Variants in CDH4 observed in about 807,000 individuals in gnomAD.
CDH4 encodes cadherin 4.
In CDH4, 33 loss-of-function variants were observed where a neutral mutation model predicts 86.0. The ratio of observed to expected loss-of-function variants is 0.38; its 90% CI spans 0.29 to 0.51. The LOEUF (loss-of-function observed/expected upper bound fraction) is 0.51. CDH4 is among the 20% of genes least tolerant of loss of function. The pLI is 0.86. For synonymous variants in CDH4, 555 were observed against 549.4 expected (o/e 1.01, Z -0.14); for missense variants, 1,114 against 1,307.4 (o/e 0.85, Z 2.28).
At chr20:61,906,906 G>C (rs2054795616) in intron 8 of CDH4, among the ~76,000 whole-genome samples, 1 of 152,082 alleles carries the variant, frequency 6.6e-6, no homozygotes, top group Non-Finnish European at 1.5e-5. Context: ...CTGGCACCCA[G>C]GACATTTTGC....
At chr20:61,796,456 AC>A (rs1979542586) in intron 4 of CDH4, among the ~76,000 whole-genome samples, 3 of 152,006 alleles carry the variant, frequency 2.0e-5, no homozygotes, top group African/African-American at 7.2e-5. Flanking sequence ...CTACAGCCTC[AC>A]TGGGCCCACT....
chr20:61,628,863 G>T (rs894774854), intron 2 of CDH4, among the ~76,000 whole-genome samples: 3 of 152,248 alleles, frequency 2.0e-5, no homozygotes, highest in Non-Finnish European at 2.9e-5. Flanking sequence ...ATGGATGATG[G>T]GCCCCTCTCC....
intron 2 of CDH4, among the ~76,000 whole-genome samples, chr20:61,427,717 G>A (rs1355579891): frequency 6.6e-6 from 1 of 151,866 alleles, no homozygotes; most frequent in Non-Finnish European, 1.5e-5. Context: ...TTCGTGACAG[G>A]CAAATGTCTA....
intron 2 of CDH4, among the ~76,000 whole-genome samples, chr20:61,360,119 C>T (rs547842299): frequency 8.5e-5 from 13 of 152,288 alleles, no homozygotes; most frequent in South Asian, 6.2e-4. Context: ...TGCATGTTCT[C>T]GGCATCTTGG....
At chr20:61,685,326 A>G (rs1019163979) in intron 2 of CDH4, among the ~76,000 whole-genome samples, 6 of 152,184 alleles carry the variant, frequency 3.9e-5, no homozygotes, top group Admixed American at 3.9e-4. Context: ...CATGTCTCAA[A>G]GCAACTTGGT....
chr20:61,630,619 A>G (rs959702501), intron 2 of CDH4, among the ~76,000 whole-genome samples: 1 of 152,180 alleles, frequency 6.6e-6, no homozygotes, highest in Non-Finnish European at 1.5e-5. Flanking sequence ...AAGAAGTCAC[A>G]TTTGGTTGGA....
At chr20:61,390,896 C>T (rs769826978) in intron 2 of CDH4, among the ~76,000 whole-genome samples, 29 of 152,368 alleles carry the variant, frequency 1.9e-4, no homozygotes, top group Middle Eastern at 3.4e-3. Context: ...TGAGATCATG[C>T]GGTCATAGGT....
In CDH4 at chr20:61,708,513, C is replaced by T. The variant is rs1354689029; in HGVS notation, c.170-35050C>T. On this transcript the variant is annotated intron_variant, in intron 2 of 15. Coordinates refer to ENST00000614565, the MANE Select transcript of CDH4 (RefSeq NM_001794.5). The surrounding 1 kb of genome is among the most constrained non-coding windows in gnomAD (Gnocchi z 4.5). ...GGCCCCGGGCTCCCAGTTTGACACC[C>T]GGCCACACAGCCCTGACTCGTAGCC... is the stretch of plus-strand genomic sequence containing the variant. Among the ~76,000 whole-genome samples, 2 of 152,180 alleles carry T rather than the reference C, an allele frequency of 1.3e-5. No homozygotes were observed. The highest frequency in any genetic ancestry group is 2.4e-5 in the African/African-American group (1 of 41,454).
At chr20:61,604,810 C>T (rs535468820) in intron 2 of CDH4, among the ~76,000 whole-genome samples, 5 of 152,234 alleles carry the variant, frequency 3.3e-5, no homozygotes, top group African/African-American at 1.2e-4. Flanking sequence ...TTAGAAGCTC[C>T]TGGTGAATGT....
rs557405415 is a variant in CDH4, at chr20:61,931,305, C to T, written c.2239+1463C>T. Among the ~76,000 whole-genome samples the T allele has an allele frequency of 1.1e-4, 17 of 152,346 alleles. No individual in the cohort carries two copies. In the East Asian group the frequency reaches 1.4e-3, roughly 12 times the overall value. On this transcript the variant is annotated intron_variant, in intron 13 of 15. Coordinates refer to ENST00000614565, the MANE Select transcript of CDH4 (RefSeq NM_001794.5). Reference sequence around the variant, plus strand: ...ACCTGCAGTGCGTGGCTCCTCCCTCCGCCTGCACTTCCCTCTCCACGATCT... The same window carrying T: ...ACCTGCAGTGCGTGGCTCCTCCCTCTGCCTGCACTTCCCTCTCCACGATCT...
At chr20:61,478,909 G>A (rs997744333) in intron 2 of CDH4, among the ~76,000 whole-genome samples, 11 of 152,230 alleles carry the variant, frequency 7.2e-5, no homozygotes, top group Admixed American at 5.2e-4. Flanking sequence ...GCCTGCGAGC[G>A]ATTCTAACAG....
At chr20:61,523,785 T>C (rs1344020687) in intron 2 of CDH4, among the ~76,000 whole-genome samples, 2 of 152,222 alleles carry the variant, frequency 1.3e-5, no homozygotes, top group Non-Finnish European at 2.9e-5. Context: ...CAGTAAATAG[T>C]GAGCTCCTTT....
rs1267174664 is a variant in CDH4 at position 61,623,599 on chromosome 20, C to T, written c.170-119964C>T. On this transcript the variant is annotated intron_variant, in intron 2 of 15. Transcript: ENST00000614565. This position sits in a 1 kb window ranked among gnomAD's most constrained non-coding sequence, Gnocchi z 4.4. ...TAGACCCAGCGGCCGTGTTGTCTTT[C>T]CTCTACATGAGCATCATTCGTGCAA... Among the ~76,000 whole-genome samples the T allele has an allele frequency of 6.6e-6, 1 of 152,180 alleles. No homozygotes were observed. The highest frequency in any genetic ancestry group is 1.5e-5 in the Non-Finnish European group (1 of 68,032).
intron 2 of CDH4, among the ~76,000 whole-genome samples, chr20:61,593,628 A>C (rs138636622): frequency 6.6e-6 from 1 of 152,250 alleles, no homozygotes; most frequent in Non-Finnish European, 1.5e-5. Context: ...GCTTAGGACA[A>C]TTTCTAGAGA....
At chr20:61,822,517 T>C (rs1981098548) in intron 4 of CDH4, among the ~76,000 whole-genome samples, 1 of 152,158 alleles carries the variant, frequency 6.6e-6, no homozygotes, top group South Asian at 2.1e-4. Context: ...TCGCTATCGA[T>C]CTACAAGGTA....
At chr20:61,413,022 C>T (rs1478068541) in intron 2 of CDH4, among the ~76,000 whole-genome samples, 3 of 152,162 alleles carry the variant, frequency 2.0e-5, no homozygotes, top group East Asian at 1.9e-4. Context: ...TCCCCCAAGC[C>T]ACTCCTCCTT....
intron 2 of CDH4, among the ~76,000 whole-genome samples, chr20:61,555,136 C>T (rs989769925): frequency 2.6e-5 from 4 of 152,220 alleles, no homozygotes; most frequent in Admixed American, 6.5e-5. Context: ...TGAACATAGG[C>T]GTGTATACAG....
chr20:61,478,483 A>C (rs73318386), intron 2 of CDH4, among the ~76,000 whole-genome samples: 5,179 of 152,270 alleles, frequency 0.034, 311 homozygotes, highest in African/African-American at 0.12. Context: ...CTTGTCTTCC[A>C]ACAGAGAACA....
chr20:61,379,148 G>T (rs541682826), intron 2 of CDH4, among the ~76,000 whole-genome samples: 4 of 152,296 alleles, frequency 2.6e-5, no homozygotes, highest in African/African-American at 9.6e-5. Flanking sequence ...CTGACAAGTG[G>T]TAAGTGTAAT....
Sources: gnomAD v4.1 joint callset for allele counts (sites outside exome capture counted in the v4.1 genomes callset) on GRCh38, gnomAD v4.1.1 for gene constraint, Gnocchi (gnomAD v3.1) non-coding constraint, MANE v1.5 for transcripts, NCBI Gene and HGNC (gene_info 2026-07-23, HGNC 2026-07-21) for gene names.